The following TTC23 variants were observed in gnomAD, a reference collection of about 807,000 sequenced individuals.
TTC23 encodes tetratricopeptide repeat domain 23, also known as tetratricopeptide repeat protein 23.
Under a neutral mutation model 55.1 loss-of-function variants are expected in TTC23, and 58 were observed. The ratio of observed to expected loss-of-function variants is 1.05; its 90% CI spans 0.85 to 1.31. The LOEUF (loss-of-function observed/expected upper bound fraction) is 1.31. Ranked by LOEUF, TTC23 falls within the 50% of genes most tolerant of loss-of-function variation. The pLI, the probability that TTC23 is intolerant of heterozygous loss-of-function variation, is 0.00. For synonymous variants in TTC23, 203 were observed against 199.9 expected, an observed-to-expected ratio of 1.02 and a Z score of -0.13; for missense variants, 516 against 534.4, an observed-to-expected ratio of 0.97 and a Z score of 0.34.
At chr15:99,147,327 G>A (rs1010130633) in intron 12 of TTC23, among the ~76,000 whole-genome samples, 52 of 148,692 alleles carry the variant, frequency 3.5e-4, no homozygotes, top group Non-Finnish European at 6.1e-4. Flanking sequence ...CCAGGTTCAC[G>A]CCATTCTCCT....
intron 10 of TTC23, among the ~76,000 whole-genome samples, chr15:99,174,127 G>C (rs1202679956): frequency 6.6e-6 from 1 of 152,174 alleles, no homozygotes; most frequent in Non-Finnish European, 1.5e-5. Context: ...TAGTAGGCCA[G>C]AATGAGAGAT....
chr15:99,144,968 G>A (rs1323813410), intron 12 of TTC23: 5 of 152,196 alleles, frequency 3.3e-5, no homozygotes, highest in African/African-American at 1.2e-4. Context: ...CTTACTACGT[G>A]GAAGCGTGAA....
intron 9 of TTC23, among the ~76,000 whole-genome samples, chr15:99,182,058 A>G (rs2074175155): frequency 6.6e-6 from 1 of 152,190 alleles, no homozygotes; most frequent in Non-Finnish European, 1.5e-5. Context: ...TTAGATTTTT[A>G]AATGATAAGA....
intron 6 of TTC23, 101 bp from the exon 7 acceptor site, chr15:99,219,149 A>T (rs2077708825): frequency 1.5e-6 from 2 of 1,343,488 alleles, no homozygotes; most frequent in African/African-American, 1.5e-5. Flanking sequence ...TCCTTCACAT[A>T]TTGTCAAATG....
intron 9 of TTC23, among the ~76,000 whole-genome samples, chr15:99,193,708 T>C (rs1470797258): frequency 6.6e-6 from 1 of 152,102 alleles, no homozygotes; most frequent in Non-Finnish European, 1.5e-5. Context: ...TTTGAACTTT[T>C]GAAAGTTTTA....
chr15:99,240,326 A>C (rs983639498), intron 3 of TTC23, among the ~76,000 whole-genome samples: 1 of 152,130 alleles, frequency 6.6e-6, no homozygotes, highest in African/African-American at 2.4e-5. Flanking sequence ...GCCTCTTAAT[A>C]TTGCATCCTT....
intron 13 of TTC23, 99 bp downstream of exon 13, chr15:99,139,218 C>G: frequency 6.8e-7 from 1 of 1,470,232 alleles, no homozygotes; most frequent in Non-Finnish European, 9.2e-7. Flanking sequence ...GCAAAACATT[C>G]CAGAGAAGGT....
At chr15:99,143,743 A>G (rs1555491524) in intron 12 of TTC23, among the ~76,000 whole-genome samples, 1 of 152,228 alleles carries the variant, frequency 6.6e-6, no homozygotes, top group African/African-American at 2.4e-5. Flanking sequence ...CCTTGCAGGA[A>G]GACAAAAGGG....
At chr15:99,186,463 A>G (rs1418378559) in intron 9 of TTC23, among the ~76,000 whole-genome samples, 2 of 152,186 alleles carry the variant, frequency 1.3e-5, no homozygotes, top group Non-Finnish European at 2.9e-5. Context: ...ATCAAACTTT[A>G]TAAGTATTAT....
At chr15:99,143,355 A>C (rs2068463642) in intron 12 of TTC23, among the ~76,000 whole-genome samples, 1 of 152,252 alleles carries the variant, frequency 6.6e-6, no homozygotes, top group Non-Finnish European at 1.5e-5. Context: ...CTTTTGTTAA[A>C]AACACAGGCA....
intron 8 of TTC23, among the ~76,000 whole-genome samples, chr15:99,200,886 C>T (rs11247066): frequency 1.2e-3 from 189 of 152,324 alleles, no homozygotes; most frequent in African/African-American, 4.1e-3. Context: ...TGGAATGCCA[C>T]GTAGCCATGA....
chr15:99,184,521 AT>A (rs1292543162), intron 9 of TTC23, among the ~76,000 whole-genome samples: 1 of 152,190 alleles, frequency 6.6e-6, no homozygotes, highest in Non-Finnish European at 1.5e-5. Flanking sequence ...ACCTTATTGG[AT>A]TTTGGACTTG....
chr15:99,172,614 T>C (rs920892047), intron 10 of TTC23, among the ~76,000 whole-genome samples: 6 of 152,088 alleles, frequency 3.9e-5, no homozygotes, highest in African/African-American at 1.2e-4. Flanking sequence ...CTTGGAAAAA[T>C]TACCTAATCT....
Position 99,137,787 on chromosome 15 carries a change from G to T in TTC23, c.*223C>A. The T allele has an allele frequency of 1.6e-6, 1 of 637,974 alleles. No individual in the cohort carries two copies. The highest frequency in any genetic ancestry group is 2.5e-6 in the Non-Finnish European group (1 of 395,632). 39.5% of individuals were successfully genotyped at this position (637,974 alleles called of 1,614,324 possible). On this transcript the variant is annotated 3_prime_UTR_variant, in exon 14 of 14. Transcript: ENST00000394132. ...TGTTGGCAAGAAAAACCACTTAGGTGATAGAAAACTGCTTTATAGCATATA... is the reference window on the plus strand; with the variant it reads ...TGTTGGCAAGAAAAACCACTTAGGTTATAGAAAACTGCTTTATAGCATATA...
At chr15:99,146,982 A>AATCT (rs2068952803) in intron 12 of TTC23, among the ~76,000 whole-genome samples, 10 of 150,610 alleles carry the variant, frequency 6.6e-5, no homozygotes, top group Non-Finnish European at 1.5e-4. Context: ...CGGTGTGGTC[A>AATCT]CGGCTCACTG....
chr15:99,221,248 T>C (rs185159524), intron 6 of TTC23, among the ~76,000 whole-genome samples: 158 of 152,358 alleles, frequency 1.0e-3, no homozygotes, highest in African/African-American at 3.5e-3. Flanking sequence ...CCTGGTCACA[T>C]TGTTTGAACA....
At chr15:99,175,334 T>C (rs1217464795) in intron 9 of TTC23, among the ~76,000 whole-genome samples, 179 bp from the exon 10 acceptor site, 1 of 152,186 alleles carries the variant, frequency 6.6e-6, no homozygotes, top group Non-Finnish European at 1.5e-5. Flanking sequence ...GTCTGAGTGG[T>C]GGAGGGAACA....
At chr15:99,207,742 G>C (rs1019401442) in intron 8 of TTC23, among the ~76,000 whole-genome samples, 18 of 152,132 alleles carry the variant, frequency 1.2e-4, no homozygotes, top group African/African-American at 4.3e-4. Flanking sequence ...GGGTGACAGA[G>C]GGAGACTCTG....
At chr15:99,184,999 C>T (rs1180809622) in intron 9 of TTC23, among the ~76,000 whole-genome samples, 1 of 152,058 alleles carries the variant, frequency 6.6e-6, no homozygotes, top group African/African-American at 2.4e-5. Flanking sequence ...CTGGCATTTC[C>T]CCTGCTGGCT....
Sources: gnomAD v4.1 joint callset for allele counts (sites outside exome capture counted in the v4.1 genomes callset) on GRCh38, gnomAD v4.1.1 for gene constraint, MANE v1.5 for transcripts, NCBI Gene and HGNC (gene_info 2026-07-23, HGNC 2026-07-21) for gene names.